The following RPS6KA2 variants were observed in gnomAD, a reference collection of about 807,000 sequenced individuals.
The protein encoded by RPS6KA2 is ribosomal protein S6 kinase alpha-2.
RPS6KA2 carries 42 observed loss-of-function variants against 91.8 expected under a neutral mutation model. The observed-to-expected ratio is 0.46, with a 90% CI of 0.36 to 0.59. The LOEUF is 0.59. RPS6KA2 is among the 20% of genes least tolerant of loss of function. The pLI is 0.00. For missense variants in RPS6KA2, 798 were observed against 978.5 expected (o/e 0.82, Z 2.46); for synonymous variants, 414 against 393.6 (o/e 1.05, Z -0.61).
At chr6:166,601,854 A>G (rs1203915869) in intron 1 of RPS6KA2, among the ~76,000 whole-genome samples, 16 of 152,256 alleles carry the variant, frequency 1.1e-4, no homozygotes, top group Non-Finnish European at 5.9e-5. Flanking sequence ...ATTAAGACAC[A>G]GAAAGCATAT....
chr6:166,702,231 G>A, intron 2 of RPS6KA2: 23 of 1,611,696 alleles, frequency 1.4e-5, no homozygotes, highest in Non-Finnish European at 2.0e-5. Context: ...GGAACCAGCA[G>A]GCACAGAGGC....
At chr6:166,465,691 ATT>A (rs556421265) in intron 11 of RPS6KA2, among the ~76,000 whole-genome samples, 100 of 152,034 alleles carry the variant, frequency 6.6e-4, no homozygotes, top group African/African-American at 2.4e-3. Context: ...TTCAGGCATC[ATT>A]TCTCTCTCTT....
intron 3 of RPS6KA2, among the ~76,000 whole-genome samples, chr6:166,516,227 A>G (rs1454388935): frequency 1.3e-5 from 2 of 152,218 alleles, no homozygotes; most frequent in Non-Finnish European, 2.9e-5. Context: ...TACAGCCTCC[A>G]ATAGCTACAG....
Position 166,460,196 on chromosome 6 carries a change from A to G in RPS6KA2, c.973-645T>C, listed in dbSNP as rs182207895. On this transcript the variant is annotated intron_variant, in intron 11 of 20. Transcript: ENST00000265678. ...CATCTGCAGAGAACCGGCCCTTCCC[A>G]TGCCCCCTCTGGGCCCAAACTTATT... Among the ~76,000 whole-genome samples, 488 of 152,310 alleles carry G rather than the reference A, an allele frequency of 3.2e-3. 2 individuals are homozygous for G. The highest frequency in any genetic ancestry group is 0.011 in the African/African-American group (446 of 41,572).
chr6:166,577,492 T>C (rs7763875), intron 1 of RPS6KA2, among the ~76,000 whole-genome samples: 49,738 of 152,154 alleles, frequency 0.33, 9,802 homozygotes, highest in African/African-American at 0.53. Flanking sequence ...GGAAGTGAGA[T>C]GTGGAGTCAA....
At chr6:166,816,274 G>A (rs974542080) in intron 2 of RPS6KA2, among the ~76,000 whole-genome samples, 12 of 151,926 alleles carry the variant, frequency 7.9e-5, no homozygotes, top group Admixed American at 2.6e-4. Flanking sequence ...GGTCAGGTGT[G>A]GCGGCTTACA....
At chr6:166,473,961 G>A (rs74394823) in intron 10 of RPS6KA2, among the ~76,000 whole-genome samples, 96 of 106,568 alleles carry the variant, frequency 9.0e-4, no homozygotes, top group African/African-American at 4.6e-3. Context: ...TTTTTTTTTG[G>A]CCAATTTGAA....
rs1298843965 is a variant in RPS6KA2 at position 166,445,417 on chromosome 6, G to A, written c.1332+3307C>T. On this transcript the variant is annotated intron_variant, in intron 14 of 20. Transcript: ENST00000265678. This position sits in a 1 kb window ranked among gnomAD's most constrained non-coding sequence, Gnocchi z 4.5. ...TCACCCACAAGGATGCTGAGGCTGG[G>A]CTTCTCAACCTTTCGTTGGGGCAGC... Among the ~76,000 whole-genome samples, 1 of 152,198 alleles carries A rather than the reference G, an allele frequency of 6.6e-6. No homozygotes were observed. The highest frequency in any genetic ancestry group is 2.4e-5 in the African/African-American group (1 of 41,452).
exon 1 of RPS6KA2, chr6:166,862,450 T>G: frequency 8.4e-7 from 1 of 1,190,948 alleles, no homozygotes; most frequent in Non-Finnish European, 1.1e-6. Context: ...TGCTGCCGCT[T>G]CCCGCTCGGG....
Position 166,437,245 on chromosome 6 carries a change from T to C in RPS6KA2, c.1333-4755A>G, listed in dbSNP as rs556012055. Among the ~76,000 whole-genome samples, 1 of 152,224 alleles carries C rather than the reference T, an allele frequency of 6.6e-6. No individual in the cohort carries two copies. The highest frequency in any genetic ancestry group is 2.4e-5 in the African/African-American group (1 of 41,550). Reference sequence around the variant, plus strand: ...AGTGCCTGCCAGCGCACTTCTTCTCTATGGGGTCGGTTTCTTGGGGTTGAC... The same window carrying C: ...AGTGCCTGCCAGCGCACTTCTTCTCCATGGGGTCGGTTTCTTGGGGTTGAC... On this transcript the variant is annotated intron_variant, in intron 14 of 20. Coordinates refer to ENST00000265678, the MANE Select transcript of RPS6KA2 (RefSeq NM_021135.6). This position sits in a 1 kb window ranked among gnomAD's most constrained non-coding sequence, Gnocchi z 4.3.
At chr6:166,487,018 A>T (rs1781437368) in intron 10 of RPS6KA2, among the ~76,000 whole-genome samples, 1 of 152,212 alleles carries the variant, frequency 6.6e-6, no homozygotes, top group African/African-American at 2.4e-5. Context: ...TGATTCAATG[A>T]TTTCCTTATT....
chr6:166,610,531 A>G (rs1465709326), intron 1 of RPS6KA2, among the ~76,000 whole-genome samples: 4 of 152,212 alleles, frequency 2.6e-5, no homozygotes, highest in African/African-American at 9.6e-5. Flanking sequence ...TTTAGCATAA[A>G]ATGTGTTTCT....
chr6:166,477,119 G>A (rs1781006706), intron 10 of RPS6KA2, among the ~76,000 whole-genome samples: 1 of 152,152 alleles, frequency 6.6e-6, no homozygotes, highest in South Asian at 2.1e-4. Context: ...AGCTCCGCAG[G>A]CAACTAAATC....
At position 166,430,687 on chromosome 6, in the gene RPS6KA2, G is replaced by A. The variant is rs1309277570; in HGVS notation, c.1423-76C>T. 2.0e-6 allele frequency: 3 copies of A among 1,472,928 alleles called. No individual in the cohort carries two copies. The African/African-American group carries it at 4.2e-5, about 21-fold the overall frequency. The allele number at this position is 1,472,928 out of a possible 1,614,324, so 91.2% of individuals were successfully genotyped here. ...AGAGCAACTACTCCAGAGGGGACAG[G>A]AGAGGGAAGTCAGAGGGGAGAGGCT... On this transcript the variant is annotated intron_variant, in intron 15 of 20. Transcript: ENST00000265678.
At chr6:166,597,588 C>T (rs1230221016) in intron 1 of RPS6KA2, among the ~76,000 whole-genome samples, 3 of 152,124 alleles carry the variant, frequency 2.0e-5, no homozygotes, top group Non-Finnish European at 4.4e-5. Context: ...ATAAAGAAAA[C>T]GTAAGCCATT....
chr6:166,854,327 C>T (rs1780828395), intron 2 of RPS6KA2, among the ~76,000 whole-genome samples: 1 of 152,222 alleles, frequency 6.6e-6, no homozygotes, highest in African/African-American at 2.4e-5. Flanking sequence ...TGAGGAATCA[C>T]ATGCCTAGAT....
intron 11 of RPS6KA2, chr6:166,465,448 CAGG>C (rs1029652206): frequency 2.0e-5 from 3 of 152,272 alleles, no homozygotes; most frequent in African/African-American, 7.2e-5. Context: ...GCCGCAGACA[CAGG>C]AGAACACACG....
chr6:166,625,332 C>CG (rs1554238041), intron 1 of RPS6KA2, among the ~76,000 whole-genome samples: 1 of 18,782 alleles, frequency 5.3e-5, no homozygotes, highest in East Asian at 2.6e-3. Context: ...CACCCCCCCA[C>CG]CCCCCCCCCC....
chr6:166,851,162 G>T (rs774689556), intron 2 of RPS6KA2, among the ~76,000 whole-genome samples: 5 of 152,172 alleles, frequency 3.3e-5, no homozygotes, highest in South Asian at 2.1e-4. Context: ...GGTGCAAGGC[G>T]TGGAAAACAG....
Sources: gnomAD v4.1 joint callset for allele counts (sites outside exome capture counted in the v4.1 genomes callset) on GRCh38, gnomAD v4.1.1 for gene constraint, Gnocchi (gnomAD v3.1) non-coding constraint, MANE v1.5 for transcripts, NCBI Gene and HGNC (gene_info 2026-07-23, HGNC 2026-07-21) for gene names.